Variants in CACHD1 observed in about 807,000 individuals in gnomAD.
CACHD1 encodes cache domain containing 1, also known as VWFA and cache domain-containing protein 1.
Under a neutral mutation model 138.7 loss-of-function variants are expected in CACHD1, and 71 were observed. The observed-to-expected ratio is 0.51, with a 90% CI of 0.42 to 0.62. CACHD1 has a LOEUF of 0.62. Among genes scored for constraint, CACHD1 ranks in the 20% least tolerant of loss-of-function variants. The pLI is 0.00. For missense variants in CACHD1, 1,389 were observed against 1,625.3 expected (o/e 0.85, Z 2.50); for synonymous variants, 578 against 591.5 (o/e 0.98, Z 0.33).
intron 4 of CACHD1, among the ~76,000 whole-genome samples, chr1:64,619,922 T>C (rs1389993290): frequency 6.6e-6 from 1 of 152,212 alleles, no homozygotes. Flanking sequence ...CTTTGTAAAA[T>C]GACAGTAATT....
intron 1 of CACHD1, among the ~76,000 whole-genome samples, chr1:64,504,295 G>T (rs1181351813): frequency 6.6e-6 from 1 of 152,194 alleles, no homozygotes; most frequent in Admixed American, 6.5e-5. Context: ...TTCCCAAAGT[G>T]CTGGGATTAC....
At chr1:64,623,354 A>T (rs1647983008) in intron 4 of CACHD1, among the ~76,000 whole-genome samples, 1 of 152,062 alleles carries the variant, frequency 6.6e-6, no homozygotes, top group Non-Finnish European at 1.5e-5. Context: ...GTGAGCCAAG[A>T]TCATGCCACT....
intron 25 of CACHD1, among the ~76,000 whole-genome samples, chr1:64,681,665 C>A (rs191619088): frequency 5.0e-4 from 75 of 148,732 alleles, no homozygotes; most frequent in African/African-American, 1.8e-3. Context: ...TTCAGGTATG[C>A]ATTTTTTAAA....
At chr1:64,616,119 A>T (rs1031369938) in intron 4 of CACHD1, among the ~76,000 whole-genome samples, 4 of 151,676 alleles carry the variant, frequency 2.6e-5, no homozygotes, top group Non-Finnish European at 5.9e-5. Flanking sequence ...GACACTTGAA[A>T]CTCTTTGTAT....
chr1:64,618,951 C>T lies in CACHD1; in HGVS notation c.518-10404C>T, dbSNP rs369248198. ...CTTGAGGTGGGAGGCAATAAGCTTT[C>T]CATTACAAACATGTTCTGTGTGTCC... On this transcript the variant is annotated intron_variant, in intron 4 of 26. Transcript: ENST00000651257. Among the ~76,000 whole-genome samples the T allele has an allele frequency of 8.5e-5, 13 of 152,222 alleles. 1 individual carries two copies. Among genetic ancestry groups the T allele is most frequent in the Admixed American group, 4.6e-4 (7 of 15,278 alleles).
intron 9 of CACHD1, among the ~76,000 whole-genome samples, chr1:64,649,219 G>A (rs899373022): frequency 1.3e-5 from 2 of 152,012 alleles, no homozygotes; most frequent in Non-Finnish European, 2.9e-5. Context: ...TATTTTTAAA[G>A]AGACAGGGCC....
intron 4 of CACHD1, among the ~76,000 whole-genome samples, chr1:64,627,145 G>A (rs940582723): frequency 6.6e-6 from 1 of 152,150 alleles, no homozygotes; most frequent in South Asian, 2.1e-4. Context: ...GGTGGCTTAT[G>A]CCTGTAATCC....
intron 5 of CACHD1, among the ~76,000 whole-genome samples, chr1:64,632,059 T>C (rs757860678): frequency 2.0e-5 from 3 of 152,000 alleles, no homozygotes; most frequent in Non-Finnish European, 4.4e-5. Context: ...AATCCAACCC[T>C]GGTGATGGGA....
chr1:64,562,001 A>C (rs1646843984), intron 2 of CACHD1, among the ~76,000 whole-genome samples: 1 of 152,176 alleles, frequency 6.6e-6, no homozygotes. Context: ...TTCTGATGAT[A>C]AATCAGTGAA....
At chr1:64,559,593 C>G (rs1035172838) in intron 2 of CACHD1, among the ~76,000 whole-genome samples, 3 of 152,182 alleles carry the variant, frequency 2.0e-5, no homozygotes, top group East Asian at 3.9e-4. Context: ...CAACAAACCC[C>G]CATGACATGT....
At chr1:64,690,918 T>C (rs1650527814) in intron 26 of CACHD1, among the ~76,000 whole-genome samples, 1 of 152,330 alleles carries the variant, frequency 6.6e-6, no homozygotes, top group South Asian at 2.1e-4. Context: ...TTGGATTTCT[T>C]TAATAAAAAA....
At chr1:64,659,168 T>C (rs1466384095) in intron 13 of CACHD1, among the ~76,000 whole-genome samples, 1 of 152,086 alleles carries the variant, frequency 6.6e-6, no homozygotes, top group African/African-American at 2.4e-5. Flanking sequence ...TGATGTTGAG[T>C]GAAGTTTTAA....
At chr1:64,628,762 A>AT (rs1648202044) in intron 4 of CACHD1, among the ~76,000 whole-genome samples, 1 of 152,200 alleles carries the variant, frequency 6.6e-6, no homozygotes, top group Non-Finnish European at 1.5e-5. Context: ...TACCACCCAC[A>AT]TCTTGGGGTT....
At chr1:64,689,322 G>T (rs1041054612) in intron 26 of CACHD1, among the ~76,000 whole-genome samples, 1 of 152,098 alleles carries the variant, frequency 6.6e-6, no homozygotes, top group Non-Finnish European at 1.5e-5. Context: ...CAATCTGTGA[G>T]TTGTCCTTTC....
chr1:64,618,080 CA>C (rs11418731), intron 4 of CACHD1, among the ~76,000 whole-genome samples: 33,669 of 144,140 alleles, frequency 0.23, 4,323 homozygotes, highest in African/African-American at 0.35. Context: ...AACTCAGTCT[CA>C]AAAAAAAAAA....
chr1:64,481,073 C>T (rs1040771274), intron 1 of CACHD1, among the ~76,000 whole-genome samples: 1 of 152,112 alleles, frequency 6.6e-6, no homozygotes, highest in Admixed American at 6.5e-5. Context: ...GAGTTAATTA[C>T]AGTTTGAAAA....
chr1:64,677,803 T>TAAGCCAGAG (rs1650046198), intron 22 of CACHD1, among the ~76,000 whole-genome samples: 1 of 152,152 alleles, frequency 6.6e-6, no homozygotes, highest in Admixed American at 6.5e-5. Context: ...TTTTTTATTT[T>TAAGCCAGAG]TTTAAATGAC....
rs554020557 is a variant in CACHD1, at chr1:64,578,469, G to A, written c.262-3687G>A. ...CCTAGGATGGAATTCAGCTGATCCT[G>A]CATTTTCCAGTTTTCTGTTGTTGCA... is the stretch of plus-strand genomic sequence containing the variant. On this transcript the variant is annotated intron_variant, in intron 2 of 26. Coordinates refer to ENST00000651257, the MANE Select transcript of CACHD1 (RefSeq NM_020925.4). 2.6e-5 allele frequency among the ~76,000 whole-genome samples: 4 copies of A among 152,276 alleles called. No individual in the cohort carries two copies. The East Asian group carries it at 7.7e-4, about 29-fold the overall frequency.
At chr1:64,492,432 T>A (rs1181568470) in intron 1 of CACHD1, among the ~76,000 whole-genome samples, 2 of 139,040 alleles carry the variant, frequency 1.4e-5, no homozygotes, top group Non-Finnish European at 3.2e-5. Context: ...GGCCTCCATG[T>A]CCCCTTTGGC....
Sources: gnomAD v4.1 joint callset for allele counts (sites outside exome capture counted in the v4.1 genomes callset) on GRCh38, gnomAD v4.1.1 for gene constraint, MANE v1.5 for transcripts, NCBI Gene and HGNC (gene_info 2026-07-23, HGNC 2026-07-21) for gene names.